Variants in ECE1 observed in about 807,000 individuals in gnomAD.
ECE1 encodes endothelin converting enzyme 1.
Under a neutral mutation model 98.6 loss-of-function variants are expected in ECE1, and 35 were observed. The ratio of observed to expected loss-of-function variants is 0.35; its 90% CI spans 0.27 to 0.47. The LOEUF is 0.47. ECE1 is among the 20% of genes least tolerant of loss of function. ECE1 has a pLI of 1.00. For missense variants in ECE1, 814 were observed against 1,025.3 expected, an observed-to-expected ratio of 0.79 and a Z score of 2.81; for synonymous variants, 394 against 407.1, an observed-to-expected ratio of 0.97 and a Z score of 0.39.
chr1:21,330,933 G>C (rs1219261829), intron 1 of ECE1, among the ~76,000 whole-genome samples: 2 of 152,190 alleles, frequency 1.3e-5, no homozygotes, highest in African/African-American at 4.8e-5. Context: ...GAGACTGGCT[G>C]ATCATAAGGA....
At chr1:21,291,429 G>A (rs578199203), upstream of ECE1, among the ~76,000 whole-genome samples, 3 of 152,342 alleles carry the variant, frequency 2.0e-5, no homozygotes, top group East Asian at 1.9e-4. Flanking sequence ...GGGGCCTGAC[G>A]TCACAGGGAC....
intron 2 of ECE1, among the ~76,000 whole-genome samples, chr1:21,280,606 A>G (rs916309366): frequency 6.6e-6 from 1 of 152,150 alleles, no homozygotes; most frequent in Non-Finnish European, 1.5e-5. Context: ...GGAGGGAGCA[A>G]GGCTTGCCAG....
rs112136816 is a variant in ECE1 at position 21,258,622 on chromosome 1, G to A, written c.762+71C>T. The A allele has an allele frequency of 7.0e-4, 1,093 of 1,570,876 alleles. 2 individuals are homozygous for A. Among genetic ancestry groups the A allele is most frequent in the Non-Finnish European group, 8.9e-4 (1,023 of 1,150,030 alleles). Reference sequence around the variant, plus strand: ...AGGGCAAGCCCCTCTCCCACCCCAGGTCCTGCTAAACTCAAAACAGGAAGA... The same window carrying A: ...AGGGCAAGCCCCTCTCCCACCCCAGATCCTGCTAAACTCAAAACAGGAAGA... On this transcript the variant is annotated intron_variant, in intron 6 of 18. Coordinates refer to ENST00000374893, the MANE Select transcript of ECE1 (RefSeq NM_001397.3). The surrounding 1 kb of genome is among the most constrained non-coding windows in gnomAD (Gnocchi z 4.2).
intron 2 of ECE1, among the ~76,000 whole-genome samples, chr1:21,287,199 T>A (rs2098261445): frequency 6.6e-6 from 1 of 152,142 alleles, no homozygotes; most frequent in Non-Finnish European, 1.5e-5. Flanking sequence ...GAGAAAAGAT[T>A]TGGGATGAAG....
rs373357564 is a variant in ECE1, at chr1:21,260,423, C to A, written c.494-31G>T. On this transcript the variant is annotated intron_variant, in intron 4 of 18. Transcript: ENST00000374893. This position sits in a 1 kb window ranked among gnomAD's most constrained non-coding sequence, Gnocchi z 4.3. ...ACAACAGACAGTGGAGTTTGCAATG[C>A]GGCCCCACTTGCCCACTGGGTGGCT... 1 of 1,613,930 alleles carries A rather than the reference C, an allele frequency of 6.2e-7. No homozygotes were observed. The highest frequency in any genetic ancestry group is 8.5e-7 in the Non-Finnish European group (1 of 1,179,908).
rs1013555247 is a variant in ECE1, at chr1:21,340,454, C to A, written c.3+4922G>T. ...AGGTGCCTCCTCACTGGTTTCCCAG[C>A]CTTCGGCCTCACTCCTTCTACTCAA... is the stretch of plus-strand genomic sequence containing the variant. On this transcript the variant is annotated intron_variant, in intron 1 of 18. Transcript: ENST00000415912. The surrounding 1 kb of genome is among the most constrained non-coding windows in gnomAD (Gnocchi z 4.6). Among the ~76,000 whole-genome samples the A allele has an allele frequency of 2.0e-5, 3 of 152,268 alleles. No individual in the cohort carries two copies. Among genetic ancestry groups the A allele is most frequent in the African/African-American group, 7.2e-5 (3 of 41,476 alleles).
chr1:21,314,905 T>A (rs1381703680), intron 1 of ECE1, among the ~76,000 whole-genome samples: 2 of 152,250 alleles, frequency 1.3e-5, no homozygotes, highest in African/African-American at 4.8e-5. Flanking sequence ...GGTCTGCTTC[T>A]TGGCTTGGAG....
At chr1:21,301,743 T>C (rs917550210) in intron 1 of ECE1, among the ~76,000 whole-genome samples, 10 of 148,180 alleles carry the variant, frequency 6.7e-5, no homozygotes, top group African/African-American at 2.5e-4. Flanking sequence ...GGGGAATTAC[T>C]TGAACCCAGG....
rs1171054575 is a variant in ECE1, at chr1:21,319,688, C to T, written c.3+25688G>A. On this transcript the variant is annotated intron_variant, in intron 1 of 18. Coordinates refer to the ECE1 transcript ENST00000415912. This position sits in a 1 kb window ranked among gnomAD's most constrained non-coding sequence, Gnocchi z 4.4. Reference sequence around the variant, plus strand: ...CCTCAGCCTCTCCTGAGACCTGGCTCCTCATTCTCGCCACTCCCTACCAGG... The same window carrying T: ...CCTCAGCCTCTCCTGAGACCTGGCTTCTCATTCTCGCCACTCCCTACCAGG... 6.6e-6 allele frequency among the ~76,000 whole-genome samples: 1 copy of T among 152,174 alleles called. No individual in the cohort carries two copies. Among genetic ancestry groups the T allele is most frequent in the East Asian group, 1.9e-4 (1 of 5,192 alleles).
chr1:21,222,269 C>A (rs1440276918), intron 17 of ECE1, among the ~76,000 whole-genome samples: 1 of 152,144 alleles, frequency 6.6e-6, no homozygotes, highest in Admixed American at 6.6e-5. Context: ...TTCTTCAATT[C>A]TTCTCTTTCT....
chr1:21,271,919 G>A (rs1158822287), intron 4 of ECE1, among the ~76,000 whole-genome samples: 1 of 151,816 alleles, frequency 6.6e-6, no homozygotes. Context: ...GCTGTTGTTA[G>A]AACTTTCATT....
chr1:21,297,481 G>A (rs1638385376), intron 1 of ECE1, among the ~76,000 whole-genome samples: 1 of 149,824 alleles, frequency 6.7e-6, no homozygotes, highest in African/African-American at 2.5e-5. Context: ...GCTCCCTTTA[G>A]TCTTTCAGCT....
intron 1 of ECE1, among the ~76,000 whole-genome samples, chr1:21,336,628 G>C (rs150823285): frequency 0.014 from 2,122 of 152,312 alleles, 32 homozygotes; most frequent in Middle Eastern, 0.037. Flanking sequence ...CGGATCACGA[G>C]GTCAGGAGAT....
rs138096310 is a variant in ECE1 at position 21,319,340 on chromosome 1, G to A, written c.3+26036C>T. ...AGCCTGGGAGACAGAGCGAGACTCC[G>A]TCTCAAAATAATAATAATCATAATC... On this transcript the variant is annotated intron_variant, in intron 1 of 18. Transcript: ENST00000415912. The surrounding 1 kb of genome is among the most constrained non-coding windows in gnomAD (Gnocchi z 4.4). Among the ~76,000 whole-genome samples, 649 of 151,854 alleles carry A rather than the reference G, an allele frequency of 4.3e-3. 20 individuals carry two copies. The East Asian group carries it at 0.061, about 14-fold the overall frequency.
At chr1:21,275,323 G>A (rs550043465) in intron 3 of ECE1, among the ~76,000 whole-genome samples, 12 of 152,246 alleles carry the variant, frequency 7.9e-5, no homozygotes, top group African/African-American at 1.9e-4. Flanking sequence ...GGCCGGGCTC[G>A]GTGGCTCATG....
At chr1:21,344,579 C>G (rs566065659) in intron 1 of ECE1, among the ~76,000 whole-genome samples, 8 of 152,312 alleles carry the variant, frequency 5.3e-5, no homozygotes, top group African/African-American at 9.6e-5. Context: ...ACAGCCCCCC[C>G]CCAGGAAGCC....
intron 10 of ECE1, among the ~76,000 whole-genome samples, chr1:21,239,408 T>TAA (rs1385718331): frequency 6.6e-6 from 1 of 152,100 alleles, no homozygotes; most frequent in Non-Finnish European, 1.5e-5. Flanking sequence ...AAAGAACAGG[T>TAA]GGTTAACAAC....
rs12079490 is a variant in ECE1, at chr1:21,284,533, G to A, written c.139-5201C>T. Among the ~76,000 whole-genome samples, 1,324 of 152,322 alleles carry A rather than the reference G, an allele frequency of 8.7e-3. 24 individuals are homozygous for A. Among genetic ancestry groups the A allele is most frequent in the African/African-American group, 0.03 (1,245 of 41,566 alleles). ...AGAGAGCCAGAGAAACAGAAAGAGC[G>A]AGAGAGCTAGAGTAAGGGAAAAAGA... On this transcript the variant is annotated intron_variant, in intron 2 of 18. Coordinates refer to ENST00000374893, the MANE Select transcript of ECE1 (RefSeq NM_001397.3).
intron 1 of ECE1, among the ~76,000 whole-genome samples, chr1:21,304,032 A>G (rs1160171307): frequency 6.7e-6 from 1 of 149,712 alleles, no homozygotes; most frequent in Non-Finnish European, 1.5e-5. Context: ...AAAAAAAAAA[A>G]GGGCCGGGCG....
Sources: allele counts gnomAD v4.1 joint callset (sites outside exome capture counted in the v4.1 genomes callset), GRCh38; gene constraint gnomAD v4.1.1; non-coding constraint Gnocchi (gnomAD v3.1); transcripts MANE v1.5; gene names NCBI Gene and HGNC (gene_info 2026-07-23, HGNC 2026-07-21).